The following ADCY7 variants were observed in gnomAD, a reference collection of about 807,000 sequenced individuals.
The protein encoded by ADCY7 is adenylate cyclase type 7.
In ADCY7, 72 loss-of-function variants were observed where a neutral mutation model predicts 120.6. The observed-to-expected ratio is 0.60, with a 90% confidence interval of 0.49 to 0.73. ADCY7 has a LOEUF of 0.73. Among genes scored for constraint, ADCY7 ranks in the 30% least tolerant of loss-of-function variants. The pLI, the probability that ADCY7 is intolerant of heterozygous loss-of-function variation, is 0.00. For synonymous variants in ADCY7, 661 were observed against 628.0 expected (o/e 1.05, Z -0.78); for missense variants, 1,227 against 1,486.0 (o/e 0.83, Z 2.87).
Position 50,291,802 on chromosome 16 carries a change from G to A in ADCY7, c.442G>A (p.Val148Ile), listed in dbSNP as rs1308934125. 2 of 1,614,012 alleles carry A rather than the reference G, an allele frequency of 1.2e-6. No homozygotes were observed. The highest frequency in any genetic ancestry group is 1.7e-5 in the Admixed American group (1 of 59,998). The change falls in exon 4 of 26, where the codon GTC becomes ATC. Residue 148 changes from valine (V) to isoleucine (I), a missense_variant. Around this residue, in one of 5 missense-constraint regions of ADCY7, gnomAD observed 382 missense variants for 411.4 expected, o/e 0.93. Transcript: ENST00000673801. ...ACTGCCCTTCAGCATGCGGGGCGCT[G>A]TCGCCGTTGGGGCCGTCTCCACTGC... is the stretch of plus-strand genomic sequence containing the variant. ...TLLPFSMRGA[V>I]AVGAVSTASH...
rs199622539 is a variant in ADCY7, at chr16:50,290,454, C to T, written c.172-3C>T. ...GGCATTCCTGTCTGTTTGCTCCACC[C>T]AGGACCCCTCCAGACACCAGGCCAT... On this transcript the variant is annotated splice_region_variant and splice_polypyrimidine_tract_variant and intron_variant, in intron 2 of 25. Coordinates refer to ENST00000673801, the MANE Select transcript of ADCY7 (RefSeq NM_001114.5). 1.2e-6 allele frequency: 2 copies of T among 1,614,124 alleles called. No homozygotes were observed. Among genetic ancestry groups the T allele is most frequent in the Admixed American group, 1.7e-5 (1 of 60,024 alleles).
chr16:50,299,624 C>T (rs965711173), intron 8 of ADCY7, among the ~76,000 whole-genome samples: 14 of 152,226 alleles, frequency 9.2e-5, no homozygotes, highest in East Asian at 1.9e-4. Flanking sequence ...GATATCAGGC[C>T]GTGTTCCAGC....
intron 20 of ADCY7, 50 bp from the exon 21 acceptor site, chr16:50,311,986 C>G (rs201105975): frequency 6.2e-7 from 1 of 1,608,122 alleles, no homozygotes; most frequent in East Asian, 2.2e-5. Flanking sequence ...CACAGCAGCA[C>G]GGCTCCCACT....
At chr16:50,290,353 G>A in intron 2 of ADCY7, 104 bp from the exon 3 acceptor site, 2 of 1,279,026 alleles carry the variant, frequency 1.6e-6, no homozygotes, top group Non-Finnish European at 1.1e-6. Flanking sequence ...CACCCTTCAC[G>A]TGGAGGAAGC....
At chr16:50,291,701 C>A in intron 3 of ADCY7, 35 bp from the exon 4 acceptor site, 1 of 1,613,204 alleles carries the variant, frequency 6.2e-7, no homozygotes, top group East Asian at 2.2e-5. Flanking sequence ...GGGGCAGCAT[C>A]TTGGGGCACC....
At chr16:50,267,481 C>T (rs552140017) in intron 1 of ADCY7, among the ~76,000 whole-genome samples, 5 of 152,304 alleles carry the variant, frequency 3.3e-5, no homozygotes, top group East Asian at 3.9e-4. Context: ...GAGCCACCTA[C>T]GACAGGGGCC....
At chr16:50,286,943 G>A (rs142887386) in intron 1 of ADCY7, among the ~76,000 whole-genome samples, 99 of 152,194 alleles carry the variant, frequency 6.5e-4, no homozygotes, top group African/African-American at 2.3e-3. Flanking sequence ...GCCTGTAGAA[G>A]CTTCTGTGAT....
chr16:50,268,935 G>A (rs1289883310), intron 1 of ADCY7, among the ~76,000 whole-genome samples: 1 of 152,210 alleles, frequency 6.6e-6, no homozygotes, highest in African/African-American at 2.4e-5. Context: ...TACTTGGGAG[G>A]CTAAGGCAGG....
In ADCY7 at chr16:50,315,622, TG is replaced by T. The variant is rs574453018; in HGVS notation, c.*119del. 1,589 of 1,306,046 alleles carry T rather than the reference TG, an allele frequency of 1.2e-3. 5 individuals carry two copies. The highest frequency in any genetic ancestry group is 1.4e-3 in the Non-Finnish European group (1,350 of 951,080). 80.9% of individuals were successfully genotyped at this position (1,306,046 alleles called of 1,614,324 possible). ...AAGGCATGCAGATGGCTGTGCATGT[TG>T]GCTTCTTTGGACCTGCACTGGAGGA... On this transcript the variant is annotated 3_prime_UTR_variant, in exon 26 of 26. Coordinates refer to ENST00000673801, the MANE Select transcript of ADCY7 (RefSeq NM_001114.5).
At chr16:50,307,426 C>T (rs937570403) in intron 15 of ADCY7, among the ~76,000 whole-genome samples, 1 of 152,170 alleles carries the variant, frequency 6.6e-6, no homozygotes, top group Non-Finnish European at 1.5e-5. Context: ...ACAGCCCTTG[C>T]CTTAGGTGTT....
At chr16:50,283,942 C>T (rs1381261055) in intron 1 of ADCY7, among the ~76,000 whole-genome samples, 1 of 152,230 alleles carries the variant, frequency 6.6e-6, no homozygotes, top group East Asian at 1.9e-4. Flanking sequence ...ACAGCAGGGT[C>T]ATTCAATCCG....
At chr16:50,288,614 A>T (rs1170407210) in intron 2 of ADCY7, among the ~76,000 whole-genome samples, 1 of 152,088 alleles carries the variant, frequency 6.6e-6, no homozygotes, top group African/African-American at 2.4e-5. Context: ...AGTAGCTAGG[A>T]TGACAGGTGC....
At chr16:50,295,721 A>G (rs1458135638) in intron 7 of ADCY7, among the ~76,000 whole-genome samples, 2 of 152,122 alleles carry the variant, frequency 1.3e-5, no homozygotes, top group Admixed American at 6.5e-5. Flanking sequence ...GGAGCTCGAC[A>G]CGTGCCAGGC....
At position 50,316,276 on chromosome 16, in the gene ADCY7, G is replaced by A. The variant is rs2036795620; in HGVS notation, c.*771G>A. On this transcript the variant is annotated 3_prime_UTR_variant, in exon 26 of 26. Coordinates refer to ENST00000673801, the MANE Select transcript of ADCY7 (RefSeq NM_001114.5). ...CTGGCTGTGGGGATAGAGTCCTGAG[G>A]AATGTGGTCACAGCAAGAAGGCGGG... is the stretch of plus-strand genomic sequence containing the variant. 1 of 152,422 alleles carries A rather than the reference G, an allele frequency of 6.6e-6. No individual in the cohort carries two copies. Among genetic ancestry groups the A allele is most frequent in the African/African-American group, 2.4e-5 (1 of 41,462 alleles). 9.4% of individuals were successfully genotyped at this position (152,422 alleles called of 1,614,324 possible).
chr16:50,310,080 A>C (rs2036350717), intron 18 of ADCY7, among the ~76,000 whole-genome samples: 1 of 152,198 alleles, frequency 6.6e-6, no homozygotes, highest in Non-Finnish European at 1.5e-5. Flanking sequence ...CAGACAGCAG[A>C]CTCTGCAGCT....
intron 3 of ADCY7, 38 bp from the exon 4 acceptor site, chr16:50,291,698 C>T: frequency 6.2e-7 from 1 of 1,612,852 alleles, no homozygotes; most frequent in Non-Finnish European, 8.5e-7. Context: ...CCTGGGGCAG[C>T]ATCTTGGGGC....
At chr16:50,253,067 TCAGCAGCC>T (rs932982803) in intron 1 of ADCY7, among the ~76,000 whole-genome samples, 1 of 152,164 alleles carries the variant, frequency 6.6e-6, no homozygotes, top group Non-Finnish European at 1.5e-5. Flanking sequence ...GTTACAGACA[TCAGCAGCC>T]CAGCCTTTGA....
At chr16:50,313,779 G>A (rs888889968) in intron 22 of ADCY7, 179 bp from the exon 23 acceptor site, 15 of 588,044 alleles carry the variant, frequency 2.6e-5, no homozygotes, top group Admixed American at 6.1e-5. Flanking sequence ...AGCAGGAGCC[G>A]CCAAGGGCCA....
chr16:50,301,228 G>T lies in ADCY7; in HGVS notation c.1368+14G>T. ...ATCGACCCCCGGGTACGAGGGCTCA[G>T]AGGCCGCAGCTGGGGGGGACCCGGA... On this transcript the variant is annotated intron_variant, in intron 10 of 25. Transcript: ENST00000673801. 1 of 1,564,830 alleles carries T rather than the reference G, an allele frequency of 6.4e-7. No individual in the cohort carries two copies. The highest frequency in any genetic ancestry group is 1.2e-5 in the South Asian group (1 of 85,884).
Sources: gnomAD v4.1 joint callset for allele counts (sites outside exome capture counted in the v4.1 genomes callset) on GRCh38, gnomAD v4.1.1 for gene constraint, gnomAD v4.1.1 regional missense constraint, MANE v1.5 for transcripts, NCBI Gene and HGNC (gene_info 2026-07-23, HGNC 2026-07-21) for gene names.